Variants in GPC5 observed in about 807,000 individuals in gnomAD.
GPC5 encodes glypican-5.
GPC5 carries 47 observed loss-of-function variants against 53.9 expected under a neutral mutation model. The ratio of observed to expected loss-of-function variants is 0.87; its 90% CI spans 0.69 to 1.11. The LOEUF (loss-of-function observed/expected upper bound fraction) is 1.11, where lower values mean the gene tolerates loss of function less well. GPC5 is among the 50% of genes most tolerant of loss of function. GPC5 has a pLI of 0.00. For synonymous variants in GPC5, 286 were observed against 263.3 expected (o/e 1.09, Z -0.84); for missense variants, 748 against 713.1 (o/e 1.05, Z -0.56).
At chr13:92,859,676 T>C (rs1879116797) in intron 7 of GPC5, among the ~76,000 whole-genome samples, 1 of 152,138 alleles carries the variant, frequency 6.6e-6, no homozygotes, top group Non-Finnish European at 1.5e-5. Context: ...TTTTAATACT[T>C]AGTTTTAATT....
At chr13:92,386,441 G>A (rs1432777282) in intron 7 of GPC5, among the ~76,000 whole-genome samples, 4 of 151,974 alleles carry the variant, frequency 2.6e-5, no homozygotes, top group Non-Finnish European at 5.9e-5. Context: ...TAACTATAGG[G>A]TTAAAAGGTA....
chr13:91,944,454 T>A (rs2039957322), intron 6 of GPC5, among the ~76,000 whole-genome samples: 1 of 152,230 alleles, frequency 6.6e-6, no homozygotes. Flanking sequence ...CATACTATTA[T>A]GGGCAAATTT....
intron 7 of GPC5, among the ~76,000 whole-genome samples, chr13:92,656,507 T>C (rs1381456824): frequency 3.3e-5 from 5 of 152,144 alleles, no homozygotes; most frequent in South Asian, 2.1e-4. Context: ...AGGTACACAA[T>C]AGAGAGGCAG....
chr13:91,430,129 T>C (rs760914818), intron 1 of GPC5, among the ~76,000 whole-genome samples: 27 of 152,158 alleles, frequency 1.8e-4, no homozygotes, highest in Non-Finnish European at 3.7e-4. Flanking sequence ...AGGGCTACCA[T>C]GGAGACTGTA....
At chr13:91,934,397 T>C (rs2039850808) in intron 6 of GPC5, among the ~76,000 whole-genome samples, 1 of 151,982 alleles carries the variant, frequency 6.6e-6, no homozygotes, top group Non-Finnish European at 1.5e-5. Flanking sequence ...CAGTGACACA[T>C]TGCAGATTGC....
At chr13:91,571,871 A>ATACACACACATATACGTGTGTGTGTG (rs2031844527) in intron 2 of GPC5, among the ~76,000 whole-genome samples, 2 of 70,184 alleles carry the variant, frequency 2.8e-5, no homozygotes, top group Admixed American at 1.4e-4. Flanking sequence ...GTGTGTGTAT[A>ATACACACACATATACGTGTGTGTGTG]TATACACACA....
chr13:92,405,386 C>T lies in GPC5; in HGVS notation c.1561+260397C>T, dbSNP rs1023014. Among the ~76,000 whole-genome samples, 10 of 152,060 alleles carry T rather than the reference C, an allele frequency of 6.6e-5. No individual in the cohort carries two copies. The East Asian group carries it at 1.9e-3, about 29-fold the overall frequency. The stretch of plus-strand genomic sequence containing the variant: ...GGAGAAGTGCAAACAACACAGGCAG[C>T]GGCCCCAACTGGGAATCAACATTTT... On this transcript the variant is annotated intron_variant, in intron 7 of 7. Transcript: ENST00000377067.
chr13:92,570,297 G>A (rs1882986441), intron 7 of GPC5, among the ~76,000 whole-genome samples: 3 of 151,920 alleles, frequency 2.0e-5, no homozygotes, highest in South Asian at 4.1e-4. Flanking sequence ...TTTCCAAACT[G>A]AAAAGAAAAA....
rs888907619 is a variant in GPC5 at position 91,619,223 on chromosome 13, A to G, written c.326-73964A>G. 3.3e-5 allele frequency among the ~76,000 whole-genome samples: 5 copies of G among 152,114 alleles called. No individual in the cohort carries two copies. The East Asian group carries it at 9.6e-4, about 29-fold the overall frequency. On this transcript the variant is annotated intron_variant, in intron 2 of 7. Transcript: ENST00000377067. ...AAACATTTCAAAAAATTTAATTTAG[A>G]AAAGGTTAATTACCTTTACTATGTC...
chr13:92,011,649 A>G (rs1160152993), intron 6 of GPC5, among the ~76,000 whole-genome samples: 2 of 152,212 alleles, frequency 1.3e-5, no homozygotes, highest in African/African-American at 2.4e-5. Context: ...TGGAATTAGA[A>G]AACAGCTATT....
At chr13:91,536,306 C>T (rs9515935) in intron 2 of GPC5, among the ~76,000 whole-genome samples, 138,960 of 152,210 alleles carry the variant, frequency 0.91, 63,661 homozygotes, top group East Asian at 1. Flanking sequence ...TCACTGCATA[C>T]AGGTAAGAAC....
chr13:92,338,659 T>C (rs2043342025), intron 7 of GPC5, among the ~76,000 whole-genome samples: 1 of 152,114 alleles, frequency 6.6e-6, no homozygotes, highest in African/African-American at 2.4e-5. Context: ...TACCATGTGA[T>C]TCCCACAATA....
intron 7 of GPC5, among the ~76,000 whole-genome samples, chr13:92,408,578 A>G (rs895965070): frequency 4.0e-5 from 6 of 151,874 alleles, no homozygotes; most frequent in African/African-American, 1.5e-4. Flanking sequence ...AGTGATTGGC[A>G]TCTGGTAAAG....
intron 7 of GPC5, among the ~76,000 whole-genome samples, chr13:92,843,800 A>G (rs918233006): frequency 1.3e-5 from 2 of 152,156 alleles, no homozygotes; most frequent in Non-Finnish European, 2.9e-5. Context: ...ACAAGCGAGA[A>G]AATTACACAG....
chr13:92,478,899 A>T (rs1215739385), intron 7 of GPC5, among the ~76,000 whole-genome samples: 1 of 152,164 alleles, frequency 6.6e-6, no homozygotes, highest in African/African-American at 2.4e-5. Flanking sequence ...CCTACGAAAG[A>T]GTAGCTGATG....
intron 4 of GPC5, among the ~76,000 whole-genome samples, chr13:91,748,176 G>A (rs1952800298): frequency 1.3e-5 from 2 of 152,204 alleles, no homozygotes; most frequent in South Asian, 4.1e-4. Flanking sequence ...CAGCATATCT[G>A]TGATGTATTA....
intron 2 of GPC5, among the ~76,000 whole-genome samples, chr13:91,576,137 G>A (rs946327030): frequency 6.6e-6 from 1 of 151,998 alleles, no homozygotes; most frequent in African/African-American, 2.4e-5. Flanking sequence ...TGGTCAAAAG[G>A]TACAAAATTT....
chr13:92,089,387 T>C lies in GPC5; in HGVS notation c.1402-55443T>C, dbSNP rs776872561. On this transcript the variant is annotated intron_variant, in intron 6 of 7. Transcript: ENST00000377067. ...AGGCAGAGCTTGCAGTGAGCCCAGA[T>C]TGGGCCACTGCACTCCAGCCTGGGC... Among the ~76,000 whole-genome samples, 38 of 152,256 alleles carry C rather than the reference T, an allele frequency of 2.5e-4. 1 individual carries two copies. The highest frequency in any genetic ancestry group is 5.1e-4 in the African/African-American group (21 of 41,570).
At chr13:92,577,489 T>G (rs892937838) in intron 7 of GPC5, among the ~76,000 whole-genome samples, 1 of 151,676 alleles carries the variant, frequency 6.6e-6, no homozygotes, top group African/African-American at 2.4e-5. Flanking sequence ...AGCCTTGTTT[T>G]GCAGATACAT....
Sources: gnomAD v4.1 joint callset for allele counts (sites outside exome capture counted in the v4.1 genomes callset) on GRCh38, gnomAD v4.1.1 for gene constraint, MANE v1.5 for transcripts, NCBI Gene and HGNC (gene_info 2026-07-23, HGNC 2026-07-21) for gene names.